Variants in LRBA observed in about 807,000 individuals in gnomAD.
LRBA encodes lipopolysaccharide-responsive and beige-like anchor protein.
Under a neutral mutation model 330.0 loss-of-function variants are expected in LRBA, and 176 were observed. That is an observed-to-expected ratio of 0.53 (90% CI 0.47 to 0.60). The LOEUF (loss-of-function observed/expected upper bound fraction) is 0.60. Ranked by LOEUF, LRBA falls within the 20% of genes least tolerant of loss-of-function variation. The pLI, the probability that LRBA is intolerant of heterozygous loss-of-function variation, is 0.00. For synonymous variants in LRBA, 1,230 were observed against 1,193.0 expected, an observed-to-expected ratio of 1.03 and a Z score of -0.64; for missense variants, 3,259 against 3,444.8, an observed-to-expected ratio of 0.95 and a Z score of 1.35.
intron 52 of LRBA, among the ~76,000 whole-genome samples, chr4:150,309,038 G>T (rs935733701): frequency 1.3e-5 from 2 of 152,074 alleles, no homozygotes. Flanking sequence ...CTCACCCAGC[G>T]CAACTTCCAG....
intron 44 of LRBA, among the ~76,000 whole-genome samples, chr4:150,465,184 T>C (rs1755289055): frequency 6.6e-6 from 1 of 152,120 alleles, no homozygotes; most frequent in Non-Finnish European, 1.5e-5. Context: ...TTATTTCACC[T>C]AGCATAACAT....
chr4:150,372,892 AAGACT>A (rs1449883896), intron 47 of LRBA, among the ~76,000 whole-genome samples: 1 of 151,492 alleles, frequency 6.6e-6, no homozygotes, highest in Admixed American at 6.6e-5. Context: ...TGGGAGTTCG[AAGACT>A]AGTCATAAAA....
intron 33 of LRBA, among the ~76,000 whole-genome samples, chr4:150,798,784 G>GT (rs1195623819): frequency 6.6e-6 from 1 of 151,760 alleles, no homozygotes; most frequent in Non-Finnish European, 1.5e-5. Context: ...GAAGTCTTTG[G>GT]TTTTAATTAC....
At chr4:150,937,551 T>C (rs1250724767) in intron 2 of LRBA, among the ~76,000 whole-genome samples, 3 of 152,134 alleles carry the variant, frequency 2.0e-5, no homozygotes, top group Admixed American at 6.6e-5. Context: ...GAAACTGATG[T>C]ATAGTCTTTT....
intron 2 of LRBA, among the ~76,000 whole-genome samples, chr4:150,958,977 C>G (rs556372586): frequency 1.3e-4 from 19 of 149,410 alleles, no homozygotes; most frequent in Non-Finnish European, 2.2e-4. Context: ...CTTCCTGTTA[C>G]CCACTTCCAA....
chr4:150,683,861 G>A (rs1783273735), intron 36 of LRBA, 144 bp from the exon 37 acceptor site: 1 of 597,314 alleles, frequency 1.7e-6, no homozygotes, highest in South Asian at 2.4e-5. Context: ...GAGATTTAGT[G>A]ATCTGCTGTC....
At chr4:150,947,249 C>T (rs905967491) in intron 2 of LRBA, among the ~76,000 whole-genome samples, 8 of 148,546 alleles carry the variant, frequency 5.4e-5, no homozygotes, top group Non-Finnish European at 1.0e-4. Context: ...AGCCTATACA[C>T]CAATATCCCT....
At chr4:150,286,186 A>G (rs769689575) in intron 53 of LRBA, 152 bp from the exon 54 acceptor site, 9 of 610,220 alleles carry the variant, frequency 1.5e-5, no homozygotes, top group Non-Finnish European at 2.3e-5. Context: ...TCCAAGTTAC[A>G]TACTATAGTT....
intron 46 of LRBA, among the ~76,000 whole-genome samples, chr4:150,425,486 T>A (rs1382610881): frequency 6.6e-6 from 1 of 152,218 alleles, no homozygotes; most frequent in East Asian, 1.9e-4. Context: ...AACCAGAGGT[T>A]ACACCACAGT....
chr4:150,742,186 C>T (rs1218427874), intron 35 of LRBA, among the ~76,000 whole-genome samples: 2 of 148,332 alleles, frequency 1.3e-5, no homozygotes, highest in Non-Finnish European at 1.5e-5. Context: ...CGCTCTGTCA[C>T]CCAGGCTGGA....
Position 150,434,346 on chromosome 4 carries a change from T to C in LRBA, c.7041+1243A>G, listed in dbSNP as rs370529999. ...GACTATTACTAGCTACTGTGCAGTTTTTGATCCTTTGATCTTTCATGCATA... is the reference window on the plus strand; with the variant it reads ...GACTATTACTAGCTACTGTGCAGTTCTTGATCCTTTGATCTTTCATGCATA... On this transcript the variant is annotated intron_variant, in intron 46 of 56. Coordinates refer to ENST00000651943, the MANE Select transcript of LRBA (RefSeq NM_001364905.1). 1.8e-4 allele frequency among the ~76,000 whole-genome samples: 28 copies of C among 152,340 alleles called. No individual in the cohort carries two copies. In the South Asian group the frequency reaches 3.3e-3, roughly 18 times the overall value.
intron 47 of LRBA, among the ~76,000 whole-genome samples, chr4:150,372,560 CAAAAAA>C: frequency 9.8e-6 from 1 of 101,670 alleles, no homozygotes; most frequent in Non-Finnish European, 1.9e-5. Flanking sequence ...ATCCCATCTC[CAAAAAA>C]AAAAAAAAAA....
At chr4:151,002,459 G>A (rs560400472) in intron 2 of LRBA, among the ~76,000 whole-genome samples, 1 of 151,904 alleles carries the variant, frequency 6.6e-6, no homozygotes, top group African/African-American at 2.4e-5. Flanking sequence ...CAGCTACTTG[G>A]GAGGCTGAGG....
chr4:150,535,300 AT>A (rs1764525521), intron 40 of LRBA, among the ~76,000 whole-genome samples: 1 of 151,760 alleles, frequency 6.6e-6, no homozygotes, highest in Non-Finnish European at 1.5e-5. Context: ...TGCTTGGCTA[AT>A]TTTTTTCTTT....
chr4:150,974,835 T>G (rs985852852), intron 2 of LRBA, among the ~76,000 whole-genome samples: 1 of 152,006 alleles, frequency 6.6e-6, no homozygotes, highest in Non-Finnish European at 1.5e-5. Flanking sequence ...AACTCAAATC[T>G]CAGACTAGCC....
At chr4:150,490,391 T>C (rs577889531) in intron 41 of LRBA, among the ~76,000 whole-genome samples, 8 of 151,966 alleles carry the variant, frequency 5.3e-5, no homozygotes, top group African/African-American at 1.9e-4. Flanking sequence ...TCTTAATGGA[T>C]TTCACCAAGT....
intron 40 of LRBA, among the ~76,000 whole-genome samples, chr4:150,542,796 C>A (rs915511766): frequency 1.3e-5 from 2 of 152,044 alleles, no homozygotes; most frequent in Middle Eastern, 3.2e-3. Flanking sequence ...TTTAAAATCA[C>A]CCAATCTTCA....
At chr4:150,914,469 C>CTAA (rs1732355490) in intron 8 of LRBA, 128 bp from the exon 9 acceptor site, 3 of 551,532 alleles carry the variant, frequency 5.4e-6, no homozygotes, top group Non-Finnish European at 8.8e-6. Context: ...ATAATTTATA[C>CTAA]CATAAAACCA....
chr4:150,893,687 GT>G (rs1343613305), intron 16 of LRBA, among the ~76,000 whole-genome samples: 1 of 151,622 alleles, frequency 6.6e-6, no homozygotes, highest in Admixed American at 6.6e-5. Context: ...TTTGTTTTTT[GT>G]TTTTTGAGAC....
Sources: allele counts gnomAD v4.1 joint callset (sites outside exome capture counted in the v4.1 genomes callset), GRCh38; gene constraint gnomAD v4.1.1; transcripts MANE v1.5; gene names NCBI Gene and HGNC (gene_info 2026-07-23, HGNC 2026-07-21).